HDLBP: variants seen among roughly 807,000 people sequenced by gnomAD.
HDLBP encodes high density lipoprotein binding protein, also known as vigilin.
A neutral mutation model predicts 137.3 loss-of-function variants in HDLBP; 30 were observed. That is an observed-to-expected ratio of 0.22 (90% CI 0.16 to 0.30). HDLBP has a LOEUF of 0.30. Among genes scored for constraint, HDLBP ranks in the 10% least tolerant of loss-of-function variants. HDLBP has a pLI of 1.00. For missense variants in HDLBP, 1,119 were observed against 1,667.3 expected (o/e 0.67, Z 5.73); for synonymous variants, 606 against 596.0 (o/e 1.02, Z -0.24).
intron 1 of HDLBP, among the ~76,000 whole-genome samples, chr2:241,303,022 C>T (rs190897773): frequency 1.3e-5 from 2 of 152,204 alleles, no homozygotes; most frequent in South Asian, 4.1e-4. Context: ...AGGACTAACA[C>T]GCAGCACAAC....
rs2071078091 is a variant in HDLBP at position 241,240,319 on chromosome 2, A to T, written c.2170-197T>A. ...AGATGAATACCCAGACTGCACACCTACTTCTCTTCCACAACAACCAGATGC... is the reference window on the plus strand; with the variant it reads ...AGATGAATACCCAGACTGCACACCTTCTTCTCTTCCACAACAACCAGATGC... On this transcript the variant is annotated intron_variant, in intron 17 of 27. Coordinates refer to ENST00000310931, the MANE Select transcript of HDLBP (RefSeq NM_005336.6). This position sits in a 1 kb window ranked among gnomAD's most constrained non-coding sequence, Gnocchi z 5.5. 6.6e-6 allele frequency among the ~76,000 whole-genome samples: 1 copy of T among 152,108 alleles called. No individual in the cohort carries two copies. Among genetic ancestry groups the T allele is most frequent in the Non-Finnish European group, 1.5e-5 (1 of 68,022 alleles).
At chr2:241,261,573 T>G (rs1406837475) in intron 5 of HDLBP, among the ~76,000 whole-genome samples, 1 of 152,182 alleles carries the variant, frequency 6.6e-6, no homozygotes, top group Non-Finnish European at 1.5e-5. Context: ...AGTGGCCCTT[T>G]CCCCTACAGT....
intron 1 of HDLBP, among the ~76,000 whole-genome samples, chr2:241,309,442 C>T (rs543636099): frequency 2.0e-5 from 3 of 152,008 alleles, no homozygotes; most frequent in African/African-American, 7.2e-5. Flanking sequence ...ATACAAATCA[C>T]GAAAGCAAAG....
At chr2:241,247,172 C>A in intron 14 of HDLBP, 30 bp from the exon 15 acceptor site, 1 of 1,392,536 alleles carries the variant, frequency 7.2e-7, no homozygotes, top group Non-Finnish European at 1.0e-6. Context: ...GCCCGATTCA[C>A]CACCTGTGCT....
At chr2:241,270,708 C>G (rs1035962240) in intron 1 of HDLBP, among the ~76,000 whole-genome samples, 3 of 152,174 alleles carry the variant, frequency 2.0e-5, no homozygotes, top group African/African-American at 7.2e-5. Context: ...CCACCCCGCA[C>G]TGCTACGCCC....
intron 7 of HDLBP, among the ~76,000 whole-genome samples, chr2:241,255,790 G>A (rs916783279): frequency 5.3e-5 from 8 of 152,182 alleles, no homozygotes; most frequent in Non-Finnish European, 7.3e-5. Flanking sequence ...GTCACCCGCC[G>A]GCTGATAACT....
intron 1 of HDLBP, among the ~76,000 whole-genome samples, chr2:241,311,105 C>T (rs913465838): frequency 1.3e-5 from 2 of 151,172 alleles, no homozygotes; most frequent in Non-Finnish European, 2.9e-5. Context: ...CAGAGCAAGA[C>T]GCTGTGTCTC....
chr2:241,258,837 G>A (rs1408081586), intron 5 of HDLBP, among the ~76,000 whole-genome samples: 1 of 152,164 alleles, frequency 6.6e-6, no homozygotes, highest in Non-Finnish European at 1.5e-5. Flanking sequence ...TAAAACCCAA[G>A]AATGTGAAGA....
chr2:241,294,146 A>G (rs911677064), intron 1 of HDLBP, among the ~76,000 whole-genome samples: 2 of 152,210 alleles, frequency 1.3e-5, no homozygotes, highest in African/African-American at 4.8e-5. Context: ...TCCCAAGGAA[A>G]TAAGAGCTTC....
intron 12 of HDLBP, among the ~76,000 whole-genome samples, chr2:241,249,061 G>A (rs539272081): frequency 1.5e-4 from 23 of 152,228 alleles, no homozygotes; most frequent in African/African-American, 5.5e-4. Context: ...AGGCTAAGAG[G>A]AGAACCTGGA....
chr2:241,236,930 G>A (rs1040109953), intron 20 of HDLBP, among the ~76,000 whole-genome samples, 161 bp from the exon 21 acceptor site: 7 of 146,448 alleles, frequency 4.8e-5, no homozygotes, highest in Non-Finnish European at 9.0e-5. Context: ...GTCAGGGAGA[G>A]CAGATAGGAC....
At chr2:241,254,203 G>A (rs1405469087) in intron 9 of HDLBP, among the ~76,000 whole-genome samples, 1 of 152,146 alleles carries the variant, frequency 6.6e-6, no homozygotes, top group Non-Finnish European at 1.5e-5. Flanking sequence ...GTTCAAGGCT[G>A]CAGTGAGCTA....
At position 241,242,491 on chromosome 2, in the gene HDLBP, T is replaced by G. The variant is rs773522283; in HGVS notation, c.2138A>C (p.Lys713Thr). ...RGPSSDVEKA[K>T]KQLLHLAEEK... ...CTCCGCCAGATGCAGGAGCTGCTTC[T>G]TGGCCTTCTCCACATCCGAGGAAGG... Residue 713 changes from lysine (K) to threonine (T), a missense_variant, in exon 17 of 28, where the codon AAG (lysine) becomes ACG (threonine). By Grantham distance (78) the Lys-to-Thr change is moderately conservative. Coordinates refer to ENST00000310931, the MANE Select transcript of HDLBP (RefSeq NM_005336.6). 16 of 1,614,198 alleles carry G rather than the reference T, an allele frequency of 9.9e-6. No individual in the cohort carries two copies. The South Asian group carries it at 1.8e-4, about 18-fold the overall frequency.
chr2:241,264,340 C>T (rs777967820), intron 4 of HDLBP, 108 bp downstream of exon 4: 25 of 732,928 alleles, frequency 3.4e-5, no homozygotes, highest in Non-Finnish European at 4.6e-5. Context: ...CCAGCCTGGG[C>T]GACAGAGCGG....
intron 1 of HDLBP, among the ~76,000 whole-genome samples, chr2:241,290,445 T>C (rs1034036041): frequency 5.3e-5 from 8 of 152,090 alleles, no homozygotes; most frequent in African/African-American, 1.9e-4. Flanking sequence ...ACCCCGTCTC[T>C]ACTAAAAATA....
rs1214379431 is a variant in HDLBP at position 241,235,582 on chromosome 2, C to T, written c.2917G>A (p.Val973Ile). ...AKEALEALVP[V>I]TIEVEVPFDL... is the part of the protein sequence containing the mutation. ...AAGGGCACCTCTACTTCAATGGTGA[C>T]AGGAACCAATGCCTGCAGGGAGGAT... Residue 973 changes from valine to isoleucine, a missense_variant, in exon 22 of 28, where the codon GTC becomes ATC. By Grantham distance (29) the Val-to-Ile change is conservative. This residue lies in a region of HDLBP where 618 missense variants were observed against 816.7 expected (regional missense o/e 0.76). Coordinates refer to ENST00000310931, the MANE Select transcript of HDLBP (RefSeq NM_005336.6). 6.2e-7 allele frequency: 1 copy of T among 1,613,424 alleles called. No individual in the cohort carries two copies. Among genetic ancestry groups the T allele is most frequent in the African/African-American group, 1.3e-5 (1 of 74,892 alleles).
In HDLBP at chr2:241,233,768, G is replaced by GA. The variant is rs1269138553; in HGVS notation, c.3288+51dup. On this transcript the variant is annotated intron_variant, in intron 24 of 27. Coordinates refer to ENST00000310931, the MANE Select transcript of HDLBP (RefSeq NM_005336.6). This position sits in a 1 kb window ranked among gnomAD's most constrained non-coding sequence, Gnocchi z 4.3. ...TCTGGTTACTGCTCCCAAGTCACAG[G>GA]AAAGGTCAACAAGCACCTCTGCCCC... The GA allele has an allele frequency of 1.9e-6, 3 of 1,608,752 alleles. No individual in the cohort carries two copies. The highest frequency in any genetic ancestry group is 2.5e-6 in the Non-Finnish European group (3 of 1,176,710).
chr2:241,264,725 AC>A, intron 3 of HDLBP, 120 bp from the exon 4 acceptor site: 1 of 906,914 alleles, frequency 1.1e-6, no homozygotes, highest in Non-Finnish European at 1.7e-6. Context: ...TCCAAGGACA[AC>A]TCCCCCCACC....
chr2:241,262,668 G>A (rs368337335), intron 5 of HDLBP, 43 bp downstream of exon 5: 25 of 1,452,682 alleles, frequency 1.7e-5, no homozygotes, highest in African/African-American at 1.1e-4. Context: ...GTAATGGAAC[G>A]GGTACACAGT....
Sources: gnomAD v4.1 joint callset for allele counts (sites outside exome capture counted in the v4.1 genomes callset) on GRCh38, gnomAD v4.1.1 for gene constraint, gnomAD v4.1.1 regional missense constraint, Gnocchi (gnomAD v3.1) non-coding constraint, MANE v1.5 for transcripts, NCBI Gene and HGNC (gene_info 2026-07-23, HGNC 2026-07-21) for gene names.